Variants in CEP128 observed in about 807,000 individuals in gnomAD.
CEP128 encodes centrosomal protein 128kDa.
Under a neutral mutation model 156.7 loss-of-function variants are expected in CEP128, and 132 were observed. The observed-to-expected ratio is 0.84, with a 90% CI of 0.73 to 0.97. The LOEUF is 0.97. CEP128 is among the 50% of genes least tolerant of loss of function. The pLI is 0.00. For missense variants in CEP128, 1,252 were observed against 1,281.9 expected, an observed-to-expected ratio of 0.98 and a Z score of 0.36; for synonymous variants, 469 against 448.9, an observed-to-expected ratio of 1.04 and a Z score of -0.57.
intron 2 of CEP128, among the ~76,000 whole-genome samples, chr14:80,917,370 C>T (rs1453549608): frequency 6.6e-6 from 1 of 152,146 alleles, no homozygotes; most frequent in Non-Finnish European, 1.5e-5. Flanking sequence ...AGAAACTCAA[C>T]TGATAAAAAG....
At chr14:80,552,905 A>G (rs981726535) in intron 21 of CEP128, among the ~76,000 whole-genome samples, 4 of 152,218 alleles carry the variant, frequency 2.6e-5, no homozygotes, top group Middle Eastern at 3.4e-3. Flanking sequence ...CTTAATTTTA[A>G]CATGGTAACT....
At chr14:80,482,541 T>C (rs922364326) in intron 14 of CEP128, among the ~76,000 whole-genome samples, 1 of 152,226 alleles carries the variant, frequency 6.6e-6, no homozygotes, top group Non-Finnish European at 1.5e-5. Context: ...TTATGGTATC[T>C]ATACTAAAAA....
chr14:80,650,124 T>A (rs1012482528), intron 19 of CEP128, among the ~76,000 whole-genome samples: 3 of 152,162 alleles, frequency 2.0e-5, no homozygotes, highest in African/African-American at 7.2e-5. Flanking sequence ...CTTGAAGAGG[T>A]CCTTCACATC....
At chr14:80,569,420 G>A (rs1301608933) in intron 20 of CEP128, among the ~76,000 whole-genome samples, 1 of 152,114 alleles carries the variant, frequency 6.6e-6, no homozygotes. Context: ...TGAAATGAAG[G>A]AATAAATTGG....
chr14:80,523,174 G>A (rs1401997196), intron 23 of CEP128, among the ~76,000 whole-genome samples: 1 of 152,222 alleles, frequency 6.6e-6, no homozygotes, highest in Non-Finnish European at 1.5e-5. Flanking sequence ...AACAACATAA[G>A]AGAAGCCAGC....
chr14:80,679,545 T>G (rs776595705), intron 19 of CEP128, among the ~76,000 whole-genome samples: 1 of 152,204 alleles, frequency 6.6e-6, no homozygotes, highest in African/African-American at 2.4e-5. Context: ...CCTGGAGAAT[T>G]TGAGGTCAGA....
At chr14:80,732,391 C>A (rs1411999297) in intron 19 of CEP128, among the ~76,000 whole-genome samples, 1 of 151,142 alleles carries the variant, frequency 6.6e-6, no homozygotes, top group Non-Finnish European at 1.5e-5. Flanking sequence ...AGTGGGAAAA[C>A]CACTGAGGTT....
intron 19 of CEP128, among the ~76,000 whole-genome samples, chr14:80,626,973 G>A (rs2140698747): frequency 6.6e-6 from 1 of 152,224 alleles, no homozygotes; most frequent in South Asian, 2.1e-4. Flanking sequence ...TTTAACCACA[G>A]TTGAAACCCT....
At position 80,814,785 on chromosome 14, in the gene CEP128, G is replaced by A. The variant is rs575601142; in HGVS notation, c.1209+16358C>T. 1.4e-4 allele frequency among the ~76,000 whole-genome samples: 22 copies of A among 152,282 alleles called. 1 individual carries two copies. Among genetic ancestry groups the A allele is most frequent in the Non-Finnish European group, 2.2e-4 (15 of 68,022 alleles). On this transcript the variant is annotated intron_variant, in intron 13 of 24. Transcript: ENST00000555265. ...AAATTCAAAAGCTTCTGGGCCAGGCGCGGTGGCTCATGCCTGTAATCCCAG... is the reference window on the plus strand; with the variant it reads ...AAATTCAAAAGCTTCTGGGCCAGGCACGGTGGCTCATGCCTGTAATCCCAG...
chr14:80,772,079 T>G (rs1410197147), intron 16 of CEP128, among the ~76,000 whole-genome samples: 1 of 152,112 alleles, frequency 6.6e-6, no homozygotes, highest in Non-Finnish European at 1.5e-5. Flanking sequence ...ATATGGACAG[T>G]ACACACGGAA....
chr14:80,483,847 C>T lies in CEP128; in HGVS notation c.*311-5440G>A, dbSNP rs191110193. Reference sequence around the variant, plus strand: ...TAACAAATAAGCTGCTTTCTAGGTACCATTAGTTATGTCTGGCGATTTTCT... The same window carrying T: ...TAACAAATAAGCTGCTTTCTAGGTATCATTAGTTATGTCTGGCGATTTTCT... On this transcript the variant is annotated intron_variant and NMD_transcript_variant, in intron 14 of 14. Coordinates refer to the CEP128 transcript ENST00000554502. Among the ~76,000 whole-genome samples the T allele has an allele frequency of 5.6e-4, 85 of 152,214 alleles. 1 individual carries two copies. The highest frequency in any genetic ancestry group is 1.9e-3 in the African/African-American group (79 of 41,542).
intron 1 of CEP128, among the ~76,000 whole-genome samples, chr14:80,958,887 G>A (rs991699784): frequency 7.2e-5 from 11 of 152,140 alleles, no homozygotes; most frequent in Admixed American, 6.5e-4. Flanking sequence ...GGTTTAAAAT[G>A]TAAGGTATTT....
At chr14:80,708,068 C>T (rs558763907) in intron 19 of CEP128, among the ~76,000 whole-genome samples, 56 of 152,218 alleles carry the variant, frequency 3.7e-4, no homozygotes, top group African/African-American at 1.3e-3. Flanking sequence ...CATTCCTTTT[C>T]ATTGCTGCAT....
chr14:80,930,757 G>A (rs536938783), intron 2 of CEP128, among the ~76,000 whole-genome samples: 1 of 152,304 alleles, frequency 6.6e-6, no homozygotes, highest in South Asian at 2.1e-4. Context: ...ACAAAGAACA[G>A]AAGCAATTAT....
intron 21 of CEP128, among the ~76,000 whole-genome samples, chr14:80,536,051 CA>C (rs548926518): frequency 1.0e-3 from 152 of 152,234 alleles, no homozygotes; most frequent in African/African-American, 3.5e-3. Flanking sequence ...GCAACAACAC[CA>C]AACTCCTATG....
chr14:80,576,627 G>A (rs1357011252), intron 20 of CEP128, among the ~76,000 whole-genome samples: 3 of 97,572 alleles, frequency 3.1e-5, no homozygotes, highest in Non-Finnish European at 6.4e-5. Flanking sequence ...ACTCCGGCGT[G>A]TGTGTGTGTG....
chr14:80,582,125 A>G (rs1256021350), intron 19 of CEP128, among the ~76,000 whole-genome samples: 1 of 152,196 alleles, frequency 6.6e-6, no homozygotes, highest in Non-Finnish European at 1.5e-5. Context: ...AGGTTGCCCC[A>G]GCTGCCAGCC....
At chr14:80,559,414 A>T (rs1245101058) in intron 20 of CEP128, 112 bp from the exon 21 acceptor site, 4 of 789,712 alleles carry the variant, frequency 5.1e-6, no homozygotes, top group South Asian at 4.0e-5. Context: ...AATTCATTTT[A>T]AAAATGTAAA....
intron 6 of CEP128, 87 bp downstream of exon 6, chr14:80,904,726 T>A: frequency 2.5e-6 from 2 of 789,904 alleles, no homozygotes. Context: ...GGTTAAAATA[T>A]AGCCTTAAAG....
Sources: gnomAD v4.1 joint callset for allele counts (sites outside exome capture counted in the v4.1 genomes callset) on GRCh38, gnomAD v4.1.1 for gene constraint, MANE v1.5 for transcripts, NCBI Gene and HGNC (gene_info 2026-07-23, HGNC 2026-07-21) for gene names.